The following SLC25A13 variants were observed in gnomAD, a reference collection of about 807,000 sequenced individuals.
The protein encoded by SLC25A13 is solute carrier family 25 member 13.
SLC25A13 carries 70 observed loss-of-function variants against 85.5 expected under a neutral mutation model. That is an observed-to-expected ratio of 0.82 (90% CI 0.68 to 1.00). SLC25A13 has a LOEUF of 1.00. Ranked by LOEUF, SLC25A13 falls within the 50% of genes least tolerant of loss-of-function variation. The pLI is 0.00. For synonymous variants in SLC25A13, 259 were observed against 288.7 expected (o/e 0.90, Z 1.04); for missense variants, 765 against 819.8 (o/e 0.93, Z 0.82).
rs1171894575 is a variant in SLC25A13, at chr7:96,132,931, T to G, written c.1453-1050A>C. The stretch of plus-strand genomic sequence containing the variant: ...ACTATGTATCTGTTACTATAGCCTT[T>G]GTTTTCCTGACACGCACATTTCACT... On this transcript the variant is annotated intron_variant, in intron 14 of 17. Coordinates refer to ENST00000265631, the MANE Select transcript of SLC25A13 (RefSeq NM_014251.3). Among the ~76,000 whole-genome samples the G allele has an allele frequency of 2.0e-5, 3 of 152,214 alleles. No individual in the cohort carries two copies. The East Asian group carries it at 5.8e-4, about 29-fold the overall frequency.
At chr7:96,185,718 G>A (rs535711430) in intron 9 of SLC25A13, among the ~76,000 whole-genome samples, 4 of 151,952 alleles carry the variant, frequency 2.6e-5, no homozygotes, top group Non-Finnish European at 4.4e-5. Flanking sequence ...GTGAAACCCC[G>A]TCTCTACTAA....
intron 15 of SLC25A13, among the ~76,000 whole-genome samples, chr7:96,123,680 G>A (rs148277947): frequency 6.6e-6 from 1 of 152,256 alleles, no homozygotes; most frequent in Non-Finnish European, 1.5e-5. Flanking sequence ...TATCTGGTAA[G>A]GCCTAAAAGG....
chr7:96,277,786 C>T (rs1399588327), intron 2 of SLC25A13, among the ~76,000 whole-genome samples: 2 of 129,662 alleles, frequency 1.5e-5, no homozygotes, highest in African/African-American at 5.8e-5. Flanking sequence ...TTAGCAAAGG[C>T]ACATAGCTTT....
chr7:96,307,087 C>T (rs1213771965), intron 1 of SLC25A13, among the ~76,000 whole-genome samples: 1 of 151,880 alleles, frequency 6.6e-6, no homozygotes, highest in African/African-American at 2.4e-5. Context: ...TTAGCCCTTC[C>T]CAGTGTTTTT....
At chr7:96,289,929 G>A (rs575922768) in intron 2 of SLC25A13, among the ~76,000 whole-genome samples, 5 of 152,188 alleles carry the variant, frequency 3.3e-5, no homozygotes, top group Non-Finnish European at 5.9e-5. Flanking sequence ...GATACTCCTC[G>A]AGAAGAGCAA....
chr7:96,145,276 T>C (rs1792735526), intron 14 of SLC25A13, among the ~76,000 whole-genome samples: 1 of 152,116 alleles, frequency 6.6e-6, no homozygotes, highest in East Asian at 1.9e-4. Context: ...AAGTCTCAGA[T>C]CATGGAGTAC....
At chr7:96,161,021 G>T (rs1339418897) in intron 13 of SLC25A13, among the ~76,000 whole-genome samples, 2 of 145,062 alleles carry the variant, frequency 1.4e-5, no homozygotes, top group Non-Finnish European at 3.0e-5. Flanking sequence ...CTTTTTTAAA[G>T]CTCCTCTTTT....
At chr7:96,154,253 G>A (rs2116511386) in intron 13 of SLC25A13, among the ~76,000 whole-genome samples, 1 of 150,544 alleles carries the variant, frequency 6.6e-6, no homozygotes, top group East Asian at 2.0e-4. Flanking sequence ...CTAGATAAAT[G>A]GAAAGATCCA....
intron 15 of SLC25A13, among the ~76,000 whole-genome samples, chr7:96,129,508 T>C (rs928317178): frequency 6.6e-6 from 1 of 152,194 alleles, no homozygotes; most frequent in Non-Finnish European, 1.5e-5. Flanking sequence ...AGCATACTAC[T>C]AGCTATTTAA....
chr7:96,234,797 CTTACCAAAAG>C lies in SLC25A13; in HGVS notation c.323_328+4del, dbSNP rs1253860907. 38 of 1,609,404 alleles carry C rather than the reference CTTACCAAAAG, an allele frequency of 2.4e-5. No individual in the cohort carries two copies. The highest frequency in any genetic ancestry group is 3.2e-5 in the Non-Finnish European group (38 of 1,176,600). ...CACAGACGTGCACAGAAGCATGCTT[CTTACCAAAAG>C]TTACTTCTCCTTTGCCAGCTTTGTC... On this transcript the variant is annotated splice_donor_variant and splice_donor_region_variant and coding_sequence_variant and intron_variant, in exon 4 of 18. Transcript: ENST00000265631. LOFTEE classifies it high-confidence loss of function.
At chr7:96,289,777 T>C (rs1447923639) in intron 2 of SLC25A13, among the ~76,000 whole-genome samples, 21 of 152,126 alleles carry the variant, frequency 1.4e-4, no homozygotes, top group African/African-American at 5.1e-4. Context: ...ACCAAATCTA[T>C]GTCTGACTGG....
chr7:96,283,515 T>C, intron 2 of SLC25A13: 1 of 387,048 alleles, frequency 2.6e-6, no homozygotes. Context: ...AAGGAATGCT[T>C]TACAAGTGTT....
chr7:96,292,232 C>T (rs898577299), intron 2 of SLC25A13, among the ~76,000 whole-genome samples: 3 of 152,098 alleles, frequency 2.0e-5, no homozygotes, highest in African/African-American at 4.8e-5. Flanking sequence ...TTCAACAGCA[C>T]TTCATTCTAA....
At chr7:96,162,405 A>C (rs1188833131) in intron 13 of SLC25A13, among the ~76,000 whole-genome samples, 1 of 152,216 alleles carries the variant, frequency 6.6e-6, no homozygotes, top group Non-Finnish European at 1.5e-5. Flanking sequence ...AAAACAAAAC[A>C]GTACAAGAAA....
intron 2 of SLC25A13, among the ~76,000 whole-genome samples, chr7:96,286,132 A>T (rs1191043335): frequency 1.3e-5 from 2 of 151,710 alleles, no homozygotes; most frequent in African/African-American, 4.8e-5. Context: ...AAAATGCAAA[A>T]AATTACCCGG....
At chr7:96,274,990 G>A (rs181790004) in intron 3 of SLC25A13, among the ~76,000 whole-genome samples, 1,623 of 152,220 alleles carry the variant, frequency 0.011, 35 homozygotes, top group African/African-American at 0.038. Context: ...TTGGCAATGT[G>A]GGCTCTTTTT....
At chr7:96,242,811 A>G (rs1322511067) in intron 3 of SLC25A13, among the ~76,000 whole-genome samples, 3 of 152,198 alleles carry the variant, frequency 2.0e-5, no homozygotes, top group Non-Finnish European at 4.4e-5. Flanking sequence ...CTTAAATGTA[A>G]TTGATTGAAA....
chr7:96,165,567 G>GA (rs1318039077), intron 13 of SLC25A13, among the ~76,000 whole-genome samples: 11 of 152,126 alleles, frequency 7.2e-5, no homozygotes, highest in African/African-American at 2.4e-4. Flanking sequence ...GCACTAATGG[G>GA]AAAAAATGCA....
At chr7:96,228,204 A>C (rs530164319) in intron 4 of SLC25A13, among the ~76,000 whole-genome samples, 2 of 152,300 alleles carry the variant, frequency 1.3e-5, no homozygotes, top group Middle Eastern at 6.8e-3. Context: ...TATCCACAAA[A>C]GAAAATGCTG....
Sources: gnomAD v4.1 joint callset for allele counts (sites outside exome capture counted in the v4.1 genomes callset) on GRCh38, gnomAD v4.1.1 for gene constraint, MANE v1.5 for transcripts, NCBI Gene and HGNC (gene_info 2026-07-23, HGNC 2026-07-21) for gene names.